Variants in VIM observed in about 807,000 individuals in gnomAD.
VIM encodes the protein epididymis secretory sperm binding protein.
In VIM, 18 loss-of-function variants were observed where a neutral mutation model predicts 50.3. The observed-to-expected ratio is 0.36, with a 90% confidence interval of 0.25 to 0.53. The LOEUF (loss-of-function observed/expected upper bound fraction) is 0.53. VIM is among the 20% of genes least tolerant of loss of function. The pLI is 0.91. For synonymous variants in VIM, 245 were observed against 248.5 expected, an observed-to-expected ratio of 0.99 and a Z score of 0.13; for missense variants, 551 against 614.7, an observed-to-expected ratio of 0.90 and a Z score of 1.10.
chr10:17,230,708 C>G lies in VIM; in HGVS notation c.622C>G (p.Gln208Glu). The G allele has an allele frequency of 6.2e-7, 1 of 1,614,148 alleles. No homozygotes were observed. The highest frequency in any genetic ancestry group is 8.5e-7 in the Non-Finnish European group (1 of 1,180,040). The change falls in exon 3 of 10, where the codon CAG (glutamine) becomes GAG (glutamate). Residue 208 changes from glutamine to glutamate, a missense_variant and splice_region_variant. This residue lies in a region of VIM where 394 missense variants were observed against 437.5 expected (regional missense o/e 0.90). Coordinates refer to ENST00000544301, the MANE Select transcript of VIM (RefSeq NM_003380.5). ...EAENTLQSFR[Q>E]DVDNASLARL... ...CGAAAACACCCTGCAATCTTTCAGA[C>G]AGGTTTGTAGACTCTCTTCCCACTC... is the stretch of plus-strand genomic sequence containing the variant.
In VIM at chr10:17,229,646, C is replaced by T. The variant is rs1402686254; in HGVS notation, c.224C>T (p.Pro75Leu). The T allele has an allele frequency of 6.4e-7, 1 of 1,568,446 alleles. No individual in the cohort carries two copies. The highest frequency in any genetic ancestry group is 1.4e-5 in the African/African-American group (1 of 73,684). Residue 75 changes from proline (P) to leucine (L), a missense_variant, in exon 2 of 10, where the codon CCC (proline) becomes CTC (leucine). Coordinates refer to ENST00000544301, the MANE Select transcript of VIM (RefSeq NM_003380.5). ...SSAVRLRSSV[P>L]GVRLLQDSVD... ...GCCGTGCGCCTGCGGAGCAGCGTGC[C>T]CGGGGTGCGGCTCCTGCAGGACTCG...
chr10:17,229,541 T>C lies in VIM; in HGVS notation c.119T>C (p.Leu40Pro). ...ACTACGTCCACCCGCACCTACAGCC[T>C]GGGCAGCGCGCTGCGCCCCAGCACC... ...YVTTSTRTYSLGSALRPSTSR... is the reference protein window; with the variant it reads ...YVTTSTRTYSPGSALRPSTSR... Residue 40 changes from leucine (L) to proline (P), a missense_variant, in exon 2 of 10, where the codon CTG becomes CCG. Leu to Pro is a moderately conservative substitution (Grantham distance 98, BLOSUM62 -3). Around this residue, in one of 3 missense-constraint regions of VIM, gnomAD observed 134 missense variants for 126.4 expected, o/e 1.06. Coordinates refer to ENST00000544301, the MANE Select transcript of VIM (RefSeq NM_003380.5). 1.2e-6 allele frequency: 2 copies of C among 1,608,100 alleles called. No homozygotes were observed. Among genetic ancestry groups the C allele is most frequent in the Non-Finnish European group, 1.7e-6 (2 of 1,178,886 alleles).
At chr10:17,230,263 G>C (rs765296471) in intron 2 of VIM, 212 of 581,840 alleles carry the variant, frequency 3.6e-4, no homozygotes, top group Non-Finnish European at 5.0e-4. Flanking sequence ...TTTGTGTGCA[G>C]TTGAAGGCCC....
rs112277465 is a variant in VIM at position 17,234,977 on chromosome 10, C to T, written c.1008+159C>T. The T allele has an allele frequency of 3.1e-4, 387 of 1,261,858 alleles. 1 individual carries two copies. The African/African-American group carries it at 4.3e-3, about 14-fold the overall frequency. The allele number at this position is 1,261,858 out of a possible 1,614,324, so 78.2% of individuals were successfully genotyped here. On this transcript the variant is annotated intron_variant, in intron 6 of 9. Coordinates refer to ENST00000544301, the MANE Select transcript of VIM (RefSeq NM_003380.5). The stretch of plus-strand genomic sequence containing the variant: ...CAGACTCAAAAGGGACTTCATGGAA[C>T]TCTTGAAGGTTTTAGCTTGCCTATA...
In VIM at chr10:17,236,276, G is replaced by C. The variant is rs747026048; in HGVS notation, c.1274-18G>C. On this transcript the variant is annotated intron_variant, in intron 8 of 9. Coordinates refer to ENST00000544301, the MANE Select transcript of VIM (RefSeq NM_003380.5). ...AAAAACTCGTTTTTACTCATTTTTG[G>C]CCTGTTTGTTTATTTAGAAACTAAT... is the stretch of plus-strand genomic sequence containing the variant. The C allele has an allele frequency of 6.3e-7, 1 of 1,587,666 alleles. No homozygotes were observed. Among genetic ancestry groups the C allele is most frequent in the Non-Finnish European group, 8.6e-7 (1 of 1,156,260 alleles).
chr10:17,230,748 C>A, intron 3 of VIM, 38 bp downstream of exon 3: 1 of 1,611,716 alleles, frequency 6.2e-7, no homozygotes, highest in African/African-American at 1.3e-5. Flanking sequence ...CCGCCTGACC[C>A]CACCCAACAC....
At chr10:17,228,998 G>C in intron 1 of VIM, 1 of 211,738 alleles carries the variant, frequency 4.7e-6, no homozygotes, top group Non-Finnish European at 9.5e-6. Context: ...CCCCCTCACC[G>C]CGCGACCCCG....
rs761001825 is a variant in VIM at position 17,230,020 on chromosome 10, G to T, written c.563+35G>T. On this transcript the variant is annotated intron_variant, in intron 2 of 9. Transcript: ENST00000544301. Reference sequence around the variant, plus strand: ...CGCCCATGCAAGTAGCTGGGCCTCGGGAGGGGGCTGGAGGGAGAGGGGAAC... The same window carrying T: ...CGCCCATGCAAGTAGCTGGGCCTCGTGAGGGGGCTGGAGGGAGAGGGGAAC... 11 of 1,569,148 alleles carry T rather than the reference G, an allele frequency of 7.0e-6. No homozygotes were observed. The South Asian group carries it at 9.3e-5, about 13-fold the overall frequency.
chr10:17,230,591 G>GGCCGC, intron 2 of VIM, 59 bp from the exon 3 acceptor site: 1 of 1,596,218 alleles, frequency 6.3e-7, no homozygotes, highest in Middle Eastern at 2.1e-4. Context: ...GTTTGGGTGT[G>GGCCGC]GCCGCCCCGC....
At position 17,229,484 on chromosome 10, in the gene VIM, C is replaced by T. The variant is rs776383614; in HGVS notation, c.62C>T (p.Ala21Val). The change falls in exon 2 of 10, where the codon GCG becomes GTG. Residue 21 changes from alanine to valine, a missense_variant. Coordinates refer to ENST00000544301, the MANE Select transcript of VIM (RefSeq NM_003380.5). ...AGGATGTTCGGCGGCCCGGGCACCGCGAGCCGGCCGAGCTCCAGCCGGAGC... is the reference window on the plus strand; with the variant it reads ...AGGATGTTCGGCGGCCCGGGCACCGTGAGCCGGCCGAGCTCCAGCCGGAGC... The part of the protein sequence containing the change: ...YRRMFGGPGT[A>V]SRPSSSRSYV... 3 of 1,605,988 alleles carry T rather than the reference C, an allele frequency of 1.9e-6. No homozygotes were observed. In the Admixed American group the frequency reaches 5.0e-5, roughly 27 times the overall value.
At chr10:17,237,133 C>T in intron 9 of VIM, 97 bp from the exon 10 acceptor site, 2 of 1,116,186 alleles carry the variant, frequency 1.8e-6, no homozygotes, top group Non-Finnish European at 2.6e-6. Context: ...CAATAAATTA[C>T]ATATATTTAG....
At position 17,234,067 on chromosome 10, in the gene VIM, C is replaced by T. The variant is rs57465155; in HGVS notation, c.882+136C>T. On this transcript the variant is annotated intron_variant, in intron 5 of 9. Transcript: ENST00000544301. ...TGACTTCTTGCTCATATTGTGTTTG[C>T]CACCACAGCCTCCCCACCACTCACA... 364,107 of 1,088,592 alleles carry T rather than the reference C, an allele frequency of 0.33. 65,473 individuals are homozygous for T. The highest frequency in any genetic ancestry group is 0.67 in the African/African-American group (43,287 of 64,286). 67.4% of individuals were successfully genotyped at this position (1,088,592 alleles called of 1,614,324 possible).
In VIM at chr10:17,230,584, T is replaced by C. The variant is rs543105851; in HGVS notation, c.564-66T>C. The C allele has an allele frequency of 2.2e-5, 34 of 1,572,030 alleles. No homozygotes were observed. The South Asian group carries it at 3.8e-4, about 17-fold the overall frequency. On this transcript the variant is annotated intron_variant, in intron 2 of 9. Transcript: ENST00000544301. The stretch of plus-strand genomic sequence containing the variant: ...AGGCGCAGAGCGAATACGTGGTGTT[T>C]GGGTGTGGCCGCCCCGCCCCTGGCG...
intron 8 of VIM, 91 bp from the exon 9 acceptor site, chr10:17,236,203 C>A (rs1287940540): frequency 9.3e-6 from 10 of 1,072,372 alleles, no homozygotes; most frequent in African/African-American, 6.2e-5. Context: ...GCCTCTCCCC[C>A]ACAAATCATA....
At chr10:17,235,546 G>A (rs1846873035) in intron 7 of VIM, 157 bp downstream of exon 7, 1 of 841,334 alleles carries the variant, frequency 1.2e-6, no homozygotes. Flanking sequence ...TTGAGAGAGA[G>A]TAAGTGACTT....
intron 3 of VIM, 159 bp downstream of exon 3, chr10:17,230,869 A>C: frequency 1.4e-6 from 1 of 717,966 alleles, no homozygotes; most frequent in Non-Finnish European, 2.3e-6. Context: ...GGAGCTTCTC[A>C]TGATTAGAAA....
intron 8 of VIM, 104 bp from the exon 9 acceptor site, chr10:17,236,190 A>G (rs1011504930): frequency 3.2e-5 from 31 of 978,544 alleles, no homozygotes; most frequent in African/African-American, 2.9e-4. Flanking sequence ...ACTTTACACA[A>G]TTGCCTCTCC....
At chr10:17,230,474 C>T (rs900675788) in intron 2 of VIM, 176 bp from the exon 3 acceptor site, 14 of 780,828 alleles carry the variant, frequency 1.8e-5, no homozygotes, top group African/African-American at 1.2e-4. Context: ...CTGCGCGGTG[C>T]CCGAAGTCCC....
rs1399047851 is a variant in VIM at position 17,233,680 on chromosome 10, G to T, written c.718G>T (p.Glu240Ter). The T allele has an allele frequency of 1.2e-6, 2 of 1,614,038 alleles. No individual in the cohort carries two copies. The highest frequency in any genetic ancestry group is 2.7e-5 in the African/African-American group (2 of 74,918). Residue 240 changes from glutamate (E) to a stop codon, truncating the protein, a stop_gained and splice_region_variant, in exon 4 of 10, where the codon GAG (glutamate) becomes TAG (stop). Coordinates refer to ENST00000544301, the MANE Select transcript of VIM (RefSeq NM_003380.5). LOFTEE classifies it high-confidence loss of function. ...TGCCTTTTTGAAGAAACTCCACGAAGAGGTTAGTGGAGTGACTTTCGGGGA... is the reference window on the plus strand; with the variant it reads ...TGCCTTTTTGAAGAAACTCCACGAATAGGTTAGTGGAGTGACTTTCGGGGA... The part of the protein sequence containing the change: ...EIAFLKKLHE[E>*]EIQELQAQIQ...
Sources: gnomAD v4.1 joint callset for allele counts on GRCh38, gnomAD v4.1.1 for gene constraint, gnomAD v4.1.1 regional missense constraint, MANE v1.5 for transcripts, NCBI Gene and HGNC (gene_info 2026-07-23, HGNC 2026-07-21) for gene names.